The following CACHD1 variants were observed in gnomAD, a reference collection of about 807,000 sequenced individuals.
CACHD1 encodes cache domain containing 1.
In CACHD1, 71 loss-of-function variants were observed where a neutral mutation model predicts 138.7. That is an observed-to-expected ratio of 0.51 (90% CI 0.42 to 0.62). The LOEUF (loss-of-function observed/expected upper bound fraction) is 0.62. Ranked by LOEUF, CACHD1 falls within the 20% of genes least tolerant of loss-of-function variation. The pLI is 0.00. For missense variants in CACHD1, 1,389 were observed against 1,625.3 expected, an observed-to-expected ratio of 0.85 and a Z score of 2.50; for synonymous variants, 578 against 591.5, an observed-to-expected ratio of 0.98 and a Z score of 0.33.
chr1:64,677,144 A>G, intron 22 of CACHD1, 133 bp downstream of exon 22: 2 of 689,458 alleles, frequency 2.9e-6, no homozygotes, highest in Non-Finnish European at 5.0e-6. Flanking sequence ...ACCAGATTAA[A>G]TGTTGTCTCG....
intron 2 of CACHD1, among the ~76,000 whole-genome samples, chr1:64,578,934 C>T (rs551837564): frequency 6.6e-6 from 1 of 152,296 alleles, no homozygotes; most frequent in African/African-American, 2.4e-5. Context: ...GTAGACCCCA[C>T]CTGCCAAAGG....
intron 9 of CACHD1, among the ~76,000 whole-genome samples, chr1:64,651,604 A>G (rs1169077591): frequency 6.6e-6 from 1 of 152,152 alleles, no homozygotes; most frequent in Non-Finnish European, 1.5e-5. Flanking sequence ...ACCATGAGCT[A>G]TGATCGCACC....
intron 3 of CACHD1, among the ~76,000 whole-genome samples, chr1:64,586,662 G>T (rs1262276739): frequency 6.6e-6 from 1 of 151,878 alleles, no homozygotes; most frequent in Non-Finnish European, 1.5e-5. Flanking sequence ...ATGTTTTTAG[G>T]TTATACTTAG....
At position 64,483,864 on chromosome 1, in the gene CACHD1, TCC is replaced by T. The variant is rs11297820; in HGVS notation, c.198+12932_198+12933del. Among the ~76,000 whole-genome samples the T allele has an allele frequency of 1.2e-3, 161 of 130,556 alleles. 1 individual carries two copies. Among genetic ancestry groups the T allele is most frequent in the African/African-American group, 2.8e-3 (86 of 31,070 alleles). The allele number at this position is 130,556 out of a possible 152,430, so 85.6% of individuals were successfully genotyped here. A position where few individuals can be genotyped will look rare whatever the true frequency, so the allele number is the denominator to read the frequency against. On this transcript the variant is annotated intron_variant, in intron 1 of 26. Transcript: ENST00000651257. ...ACCTTTGTGACCTTATCTTTTACCTTCCCCCCCCCCCTTGCATATAACTCTGT... is the reference window on the plus strand; with the variant it reads ...ACCTTTGTGACCTTATCTTTTACCTTCCCCCCCCCTTGCATATAACTCTGT...
At chr1:64,548,805 A>G (rs1476677160) in intron 1 of CACHD1, among the ~76,000 whole-genome samples, 8 of 152,238 alleles carry the variant, frequency 5.3e-5, no homozygotes, top group Non-Finnish European at 7.3e-5. Flanking sequence ...CAAATGTGTT[A>G]TGTAAAACTT....
chr1:64,632,835 C>T, intron 6 of CACHD1, 92 bp downstream of exon 6: 1 of 1,404,242 alleles, frequency 7.1e-7, no homozygotes. Flanking sequence ...ACAGATCCTC[C>T]TTGACTTACA....
rs781686383 is a variant in CACHD1, at chr1:64,470,857, A to G, written c.113A>G (p.Asp38Gly). 6.3e-7 allele frequency: 1 copy of G among 1,598,622 alleles called. No homozygotes were observed. Among genetic ancestry groups the G allele is most frequent in the Non-Finnish European group, 8.5e-7 (1 of 1,176,456 alleles). The part of the protein sequence containing the change: ...CWLLGAGAEA[D>G]FSILDEAQVL... ...CTCCTGGGCGCCGGGGCCGAAGCCG[A>G]CTTCTCCATCCTGGACGAGGCGCAA... Residue 38 changes from aspartate to glycine, a missense_variant, in exon 1 of 27, where the codon GAC becomes GGC. Coordinates refer to ENST00000651257, the MANE Select transcript of CACHD1 (RefSeq NM_020925.4). The surrounding 1 kb of genome is among the most constrained non-coding windows in gnomAD (Gnocchi z 5.2).
intron 9 of CACHD1, among the ~76,000 whole-genome samples, chr1:64,650,623 G>A (rs1649057913): frequency 6.6e-6 from 1 of 152,126 alleles, no homozygotes; most frequent in Non-Finnish European, 1.5e-5. Flanking sequence ...GATGCATTTA[G>A]TTGGCCTATG....
chr1:64,566,628 T>G (rs1434492015), intron 2 of CACHD1, among the ~76,000 whole-genome samples: 3 of 151,218 alleles, frequency 2.0e-5, no homozygotes, highest in Admixed American at 2.0e-4. Flanking sequence ...TTTTTTTTAA[T>G]GGTCTTTCGT....
At chr1:64,605,526 T>C (rs1395691474) in intron 4 of CACHD1, among the ~76,000 whole-genome samples, 1 of 152,192 alleles carries the variant, frequency 6.6e-6, no homozygotes, top group African/African-American at 2.4e-5. Flanking sequence ...AGACAGTACC[T>C]TCCTTAACGT....
At chr1:64,653,631 G>C in intron 10 of CACHD1, 127 bp from the exon 11 acceptor site, 1 of 837,382 alleles carries the variant, frequency 1.2e-6, no homozygotes, top group Non-Finnish European at 1.9e-6. Flanking sequence ...TTACTGGACT[G>C]GTGAGTTGCA....
chr1:64,481,282 A>G (rs994252947), intron 1 of CACHD1, among the ~76,000 whole-genome samples: 2 of 151,220 alleles, frequency 1.3e-5, no homozygotes, highest in African/African-American at 4.9e-5. Context: ...AGACGGCAGC[A>G]TTTTTTTTTC....
At chr1:64,488,426 C>T (rs1352045693) in intron 1 of CACHD1, among the ~76,000 whole-genome samples, 2 of 152,026 alleles carry the variant, frequency 1.3e-5, no homozygotes, top group Non-Finnish European at 2.9e-5. Context: ...GTTTTTTGCT[C>T]ATAAATTATT....
At chr1:64,593,943 C>G (rs1348912729) in intron 3 of CACHD1, among the ~76,000 whole-genome samples, 1 of 152,112 alleles carries the variant, frequency 6.6e-6, no homozygotes, top group Non-Finnish European at 1.5e-5. Flanking sequence ...TGCCCACCTC[C>G]CTCATCCCCA....
intron 10 of CACHD1, among the ~76,000 whole-genome samples, chr1:64,652,612 A>C (rs1274110788): frequency 6.6e-6 from 1 of 152,218 alleles, no homozygotes; most frequent in Non-Finnish European, 1.5e-5. Flanking sequence ...TCTAAAGAAG[A>C]AATAATGCAG....
intron 12 of CACHD1, 114 bp downstream of exon 12, chr1:64,654,917 G>A: frequency 1.4e-6 from 1 of 715,658 alleles, no homozygotes; most frequent in South Asian, 1.7e-5. Flanking sequence ...GTCTCGTAAT[G>A]TGACTAATCA....
intron 26 of CACHD1, among the ~76,000 whole-genome samples, chr1:64,686,034 T>C (rs1487159024): frequency 2.0e-5 from 3 of 152,056 alleles, no homozygotes; most frequent in Admixed American, 2.0e-4. Flanking sequence ...AAAGGTGGAA[T>C]ATGACAGCTT....
chr1:64,534,242 C>T (rs971240203), intron 1 of CACHD1, among the ~76,000 whole-genome samples: 12 of 151,976 alleles, frequency 7.9e-5, no homozygotes, highest in Non-Finnish European at 1.8e-4. Flanking sequence ...CAGAGTTTCA[C>T]CATGTTGGCC....
intron 7 of CACHD1, among the ~76,000 whole-genome samples, chr1:64,640,994 A>T (rs2100658122): frequency 6.6e-6 from 1 of 151,996 alleles, no homozygotes; most frequent in South Asian, 2.1e-4. Context: ...TTCACTTCTA[A>T]CTCAGGGGTG....
Sources: allele counts gnomAD v4.1 joint callset (sites outside exome capture counted in the v4.1 genomes callset), GRCh38; gene constraint gnomAD v4.1.1; non-coding constraint Gnocchi (gnomAD v3.1); transcripts MANE v1.5; gene names NCBI Gene and HGNC (gene_info 2026-07-23, HGNC 2026-07-21).